ETV5: variants seen among roughly 807,000 people sequenced by gnomAD.
ETV5 encodes ETS variant transcription factor 5.
Under a neutral mutation model 70.0 loss-of-function variants are expected in ETV5, and 10 were observed. The ratio of observed to expected loss-of-function variants is 0.14; its 90% CI spans 0.09 to 0.24. The LOEUF is 0.24. ETV5 is among the 10% of genes least tolerant of loss of function. The pLI is 1.00. For missense variants in ETV5, 453 were observed against 651.2 expected (o/e 0.70, Z 3.31); for synonymous variants, 216 against 242.2 (o/e 0.89, Z 1.01).
intron 5 of ETV5, among the ~76,000 whole-genome samples, chr3:186,099,911 G>A (rs1270850534): frequency 3.9e-5 from 6 of 152,178 alleles, no homozygotes. Flanking sequence ...TTTGTTAGAT[G>A]ACTAACAGCG....
chr3:186,068,059 GT>G (rs1255874796), intron 7 of ETV5, among the ~76,000 whole-genome samples: 1 of 152,168 alleles, frequency 6.6e-6, no homozygotes, highest in African/African-American at 2.4e-5. Context: ...GAAGAGAAGT[GT>G]TTTTCCTTTT....
At chr3:186,055,460 A>C (rs1312374978) in intron 11 of ETV5, among the ~76,000 whole-genome samples, 1 of 152,232 alleles carries the variant, frequency 6.6e-6, no homozygotes, top group Non-Finnish European at 1.5e-5. Flanking sequence ...CCAGAAAAAA[A>C]CACGTAGGCA....
chr3:186,058,380 GTGCATAC>G (rs1713217395), intron 9 of ETV5, among the ~76,000 whole-genome samples: 1 of 152,356 alleles, frequency 6.6e-6, no homozygotes, highest in South Asian at 2.1e-4. Flanking sequence ...AAGGTCTCCA[GTGCATAC>G]TCCTTTACCA....
At chr3:186,094,169 G>T (rs941032348) in intron 5 of ETV5, among the ~76,000 whole-genome samples, 1 of 152,194 alleles carries the variant, frequency 6.6e-6, no homozygotes, top group Non-Finnish European at 1.5e-5. Flanking sequence ...TACAAGGAAA[G>T]AAATTCTTTG....
chr3:186,078,972 C>A, intron 7 of ETV5: 2 of 811,166 alleles, frequency 2.5e-6, no homozygotes, highest in Non-Finnish European at 3.1e-6. Flanking sequence ...CTTCCCACTC[C>A]CGCCCCATTG....
chr3:186,098,924 C>G (rs1224677050), intron 5 of ETV5, among the ~76,000 whole-genome samples: 1 of 152,176 alleles, frequency 6.6e-6, no homozygotes, highest in Non-Finnish European at 1.5e-5. Context: ...GTCCTTCTGA[C>G]CACAGAATCC....
intron 12 of ETV5, among the ~76,000 whole-genome samples, chr3:186,051,311 T>G (rs1306796145): frequency 1.3e-5 from 2 of 152,226 alleles, no homozygotes; most frequent in Non-Finnish European, 2.9e-5. Context: ...ACTGGCTCAA[T>G]GTGTAAATGC....
intron 5 of ETV5, among the ~76,000 whole-genome samples, chr3:186,085,267 T>C (rs1020827145): frequency 6.6e-6 from 1 of 151,722 alleles, no homozygotes. Flanking sequence ...GAATAAAAGA[T>C]AAAGGGAAAG....
chr3:186,051,795 A>G (rs908105867), intron 12 of ETV5, among the ~76,000 whole-genome samples: 2 of 152,192 alleles, frequency 1.3e-5, no homozygotes, highest in Non-Finnish European at 2.9e-5. Context: ...CTAATTTTCT[A>G]TTGTGTGTTC....
intron 1 of ETV5, among the ~76,000 whole-genome samples, chr3:186,107,764 T>C (rs936613205): frequency 1.3e-5 from 2 of 151,954 alleles, no homozygotes; most frequent in Non-Finnish European, 2.9e-5. Flanking sequence ...CCCGGTTTTA[T>C]GAATGGGAGA....
At chr3:186,071,388 G>C (rs1713630190) in intron 7 of ETV5, among the ~76,000 whole-genome samples, 1 of 152,186 alleles carries the variant, frequency 6.6e-6, no homozygotes, top group South Asian at 2.1e-4. Flanking sequence ...GCACAGCTGG[G>C]TAAGAGGCTG....
chr3:186,064,294 C>G, intron 9 of ETV5, 123 bp downstream of exon 9: 1 of 891,668 alleles, frequency 1.1e-6, no homozygotes. Context: ...CAATTTTAAG[C>G]TTGGGTATTA....
chr3:186,105,505 G>A lies in ETV5; in HGVS notation c.134-9C>T. 5 of 1,614,052 alleles carry A rather than the reference G, an allele frequency of 3.1e-6. No individual in the cohort carries two copies. The highest frequency in any genetic ancestry group is 3.4e-6 in the Non-Finnish European group (4 of 1,179,972). On this transcript the variant is annotated splice_polypyrimidine_tract_variant and intron_variant, in intron 3 of 12. Coordinates refer to ENST00000306376, the MANE Select transcript of ETV5 (RefSeq NM_004454.3). The surrounding 1 kb of genome is among the most constrained non-coding windows in gnomAD (Gnocchi z 4.5). Reference sequence around the variant, plus strand: ...GAGATCCTGAAATAGCTCTGAAATTGAAAAAGAAGACCCCAGAATGAGGAT... The same window carrying A: ...GAGATCCTGAAATAGCTCTGAAATTAAAAAAGAAGACCCCAGAATGAGGAT...
In ETV5 at chr3:186,064,422, T is replaced by C. The variant is rs761150301; in HGVS notation, c.965A>G (p.His322Arg). ...AAGAAAAGCAGGTTCCTTACCTTCA[T>C]GGCTGCTGGAGAAATAACCCCCTCT... is the stretch of plus-strand genomic sequence containing the variant. Reference protein sequence around the residue: ...YMRGGYFSSSHEGFSYEKDPR... With the variant: ...YMRGGYFSSSREGFSYEKDPR... The change falls in exon 9 of 13, where the codon CAT becomes CGT. Residue 322 changes from histidine (H) to arginine (R), a missense_variant. His to Arg is a conservative substitution (Grantham distance 29). This residue lies in a region of ETV5 where 307 missense variants were observed against 344.9 expected (regional missense o/e 0.89). Coordinates refer to ENST00000306376, the MANE Select transcript of ETV5 (RefSeq NM_004454.3). 6.2e-6 allele frequency: 10 copies of C among 1,614,016 alleles called. No homozygotes were observed. The highest frequency in any genetic ancestry group is 1.7e-5 in the Admixed American group (1 of 59,998).
intron 7 of ETV5, among the ~76,000 whole-genome samples, chr3:186,067,065 C>A (rs979471702): frequency 2.0e-5 from 3 of 152,190 alleles, no homozygotes; most frequent in African/African-American, 7.2e-5. Flanking sequence ...GAGGCTGAGG[C>A]GGGCAGATCG....
chr3:186,094,904 C>T (rs1263633596), intron 5 of ETV5, among the ~76,000 whole-genome samples: 2 of 152,060 alleles, frequency 1.3e-5, no homozygotes, highest in Admixed American at 6.6e-5. Context: ...TCTAATGCAC[C>T]GCCCCCTTTC....
chr3:186,108,051 C>T (rs1714636089), intron 1 of ETV5, among the ~76,000 whole-genome samples: 1 of 151,744 alleles, frequency 6.6e-6, no homozygotes, highest in African/African-American at 2.4e-5. Context: ...AAGAAACCCG[C>T]TTCATTCATA....
In ETV5 at chr3:186,093,745, C is replaced by T. The variant is rs115405458; in HGVS notation, c.232+11560G>A. ...ACTTGCCCTACCTCTTTACTCCTTC[C>T]AGAGAGAAGAAATGTGATCAAGTCT... is the stretch of plus-strand genomic sequence containing the variant. On this transcript the variant is annotated intron_variant, in intron 5 of 12. Transcript: ENST00000306376. Among the ~76,000 whole-genome samples the T allele has an allele frequency of 1.8e-3, 272 of 152,286 alleles. 1 individual carries two copies. Among genetic ancestry groups the T allele is most frequent in the Middle Eastern group, 3.4e-3 (1 of 294 alleles).
Position 186,057,609 on chromosome 3 carries a change from G to T in ETV5, c.971-118C>A. 1 of 875,970 alleles carries T rather than the reference G, an allele frequency of 1.1e-6. No individual in the cohort carries two copies. Among genetic ancestry groups the T allele is most frequent in the Non-Finnish European group, 1.9e-6 (1 of 528,370 alleles). 54.3% of individuals were successfully genotyped at this position (875,970 alleles called of 1,614,324 possible). A position where few individuals can be genotyped will look rare whatever the true frequency, so the allele number is the denominator to read the frequency against. On this transcript the variant is annotated intron_variant, in intron 9 of 12. Transcript: ENST00000306376. The surrounding 1 kb of genome is among the most constrained non-coding windows in gnomAD (Gnocchi z 4.9). ...ATTTCAGATCCTAAGTCCTACTGCT[G>T]TATCTATGGCAGACTGAATTTTCAG...
Sources: gnomAD v4.1 joint callset for allele counts (sites outside exome capture counted in the v4.1 genomes callset) on GRCh38, gnomAD v4.1.1 for gene constraint, gnomAD v4.1.1 regional missense constraint, Gnocchi (gnomAD v3.1) non-coding constraint, MANE v1.5 for transcripts, NCBI Gene and HGNC (gene_info 2026-07-23, HGNC 2026-07-21) for gene names.